Variants in MEGF11 observed in about 807,000 individuals in gnomAD.
MEGF11 encodes the protein multiple epidermal growth factor-like domains protein 11.
In MEGF11, 126 loss-of-function variants were observed where a neutral mutation model predicts 146.6. The ratio of observed to expected loss-of-function variants is 0.86; its 90% confidence interval spans 0.74 to 1.00. The LOEUF is 1.00. MEGF11 is among the 50% of genes least tolerant of loss of function. MEGF11 has a pLI of 0.00. For synonymous variants in MEGF11, 532 were observed against 583.4 expected (o/e 0.91, Z 1.27); for missense variants, 1,509 against 1,521.2 (o/e 0.99, Z 0.13).
chr15:65,931,056 G>A, intron 10 of MEGF11, 113 bp from the exon 11 acceptor site: 1 of 1,262,540 alleles, frequency 7.9e-7, no homozygotes, highest in Non-Finnish European at 1.0e-6. Flanking sequence ...TAATCCCTGG[G>A]ATCTGTGAAT....
Position 66,196,073 on chromosome 15 carries a change from A to G in MEGF11, c.-9+57532T>C, listed in dbSNP as rs765632236. Among the ~76,000 whole-genome samples the G allele has an allele frequency of 6.6e-5, 10 of 152,064 alleles. 1 individual carries two copies. Among genetic ancestry groups the G allele is most frequent in the Non-Finnish European group, 1.2e-4 (8 of 67,992 alleles). ...CCTGAGGCAGGAGGGCACACAGAGCACTCAGAGCACTAAATGAAGGCCAGT... is the reference window on the plus strand; with the variant it reads ...CCTGAGGCAGGAGGGCACACAGAGCGCTCAGAGCACTAAATGAAGGCCAGT... On this transcript the variant is annotated intron_variant, in intron 1 of 25. Transcript: ENST00000395614.
At chr15:66,212,060 G>A (rs2091472255) in intron 1 of MEGF11, among the ~76,000 whole-genome samples, 1 of 151,972 alleles carries the variant, frequency 6.6e-6, no homozygotes, top group Non-Finnish European at 1.5e-5. Context: ...CCAGGCAGGG[G>A]GAGACAGCCC....
intron 1 of MEGF11, among the ~76,000 whole-genome samples, chr15:66,202,864 T>C (rs961143923): frequency 6.6e-6 from 1 of 152,204 alleles, no homozygotes; most frequent in African/African-American, 2.4e-5. Flanking sequence ...AAAGCAGGTA[T>C]GAACCATGTC....
At chr15:66,064,276 G>A (rs2085025229) in intron 5 of MEGF11, among the ~76,000 whole-genome samples, 1 of 152,090 alleles carries the variant, frequency 6.6e-6, no homozygotes, top group Non-Finnish European at 1.5e-5. Context: ...GGCTGAGGCA[G>A]GAGAATCACT....
chr15:66,015,272 T>A (rs2082848358), intron 5 of MEGF11, among the ~76,000 whole-genome samples: 1 of 152,112 alleles, frequency 6.6e-6, no homozygotes. Context: ...AGCTTAGAGG[T>A]TTCAGAGCCC....
chr15:66,217,508 G>A (rs2091615973), intron 1 of MEGF11, among the ~76,000 whole-genome samples: 1 of 152,232 alleles, frequency 6.6e-6, no homozygotes, highest in Admixed American at 6.5e-5. Context: ...AAGACCCTCT[G>A]TATCCCCACT....
At chr15:66,015,945 G>C (rs971642358) in intron 5 of MEGF11, among the ~76,000 whole-genome samples, 3 of 151,302 alleles carry the variant, frequency 2.0e-5, no homozygotes, top group African/African-American at 7.3e-5. Context: ...TTGGTGGGGG[G>C]GCTCTGGTAG....
chr15:66,204,969 C>T (rs1234412860), intron 1 of MEGF11, among the ~76,000 whole-genome samples: 1 of 143,378 alleles, frequency 7.0e-6, no homozygotes, highest in Non-Finnish European at 1.5e-5. Flanking sequence ...TGGTGTGTTC[C>T]TTGGGTTGAA....
intron 1 of MEGF11, among the ~76,000 whole-genome samples, chr15:66,194,719 A>T (rs2090967080): frequency 6.6e-6 from 1 of 152,184 alleles, no homozygotes; most frequent in South Asian, 2.1e-4. Flanking sequence ...GGTACAGTGT[A>T]CACTGCTTGG....
At chr15:66,168,752 A>G (rs900759459) in intron 1 of MEGF11, among the ~76,000 whole-genome samples, 4 of 152,240 alleles carry the variant, frequency 2.6e-5, no homozygotes, top group Non-Finnish European at 4.4e-5. Context: ...AGGTGGGTGG[A>G]TCACCTGAGG....
At chr15:65,939,887 T>C (rs76388473) in intron 10 of MEGF11, among the ~76,000 whole-genome samples, 1 of 152,196 alleles carries the variant, frequency 6.6e-6, no homozygotes, top group South Asian at 2.1e-4. Context: ...GAAATAATCA[T>C]TTAAAAAATT....
At chr15:66,133,261 A>G (rs2140979609) in intron 1 of MEGF11, among the ~76,000 whole-genome samples, 1 of 152,284 alleles carries the variant, frequency 6.6e-6, no homozygotes, top group East Asian at 1.9e-4. Context: ...TGCTCCCCAC[A>G]CCAGCACAAG....
chr15:65,955,793 T>TATACACAC (rs1555455862), intron 10 of MEGF11, among the ~76,000 whole-genome samples: 1 of 6,778 alleles, frequency 1.5e-4, no homozygotes, highest in Non-Finnish European at 3.9e-4. Flanking sequence ...TATATATATA[T>TATACACAC]ACACACACAC....
intron 7 of MEGF11, among the ~76,000 whole-genome samples, chr15:65,976,104 G>GA (rs2081437893): frequency 3.5e-5 from 5 of 142,996 alleles, no homozygotes; most frequent in African/African-American, 1.3e-4. Context: ...GTGCAATGAT[G>GA]TGATCTCAGC....
intron 5 of MEGF11, among the ~76,000 whole-genome samples, chr15:66,032,049 T>G (rs2083541606): frequency 1.3e-5 from 2 of 152,194 alleles, no homozygotes; most frequent in African/African-American, 4.8e-5. Flanking sequence ...GGATCTAGGT[T>G]GCAAGCTCCT....
intron 15 of MEGF11, 183 bp downstream of exon 15, chr15:65,922,155 G>C (rs2079191164): frequency 3.5e-6 from 2 of 570,006 alleles, no homozygotes; most frequent in South Asian, 4.4e-5. Flanking sequence ...GCTGTTAACT[G>C]TGTTAGGGCC....
At chr15:66,206,214 A>G (rs900140327) in intron 1 of MEGF11, among the ~76,000 whole-genome samples, 2 of 152,224 alleles carry the variant, frequency 1.3e-5, no homozygotes, top group Non-Finnish European at 2.9e-5. Context: ...ACAAAACAAC[A>G]GAAATTGCCC....
intron 1 of MEGF11, among the ~76,000 whole-genome samples, chr15:66,197,528 T>C (rs1011825114): frequency 6.6e-6 from 1 of 152,200 alleles, no homozygotes; most frequent in Admixed American, 6.5e-5. Context: ...GTTCAAGCCA[T>C]TCTCCTGCCT....
intron 1 of MEGF11, among the ~76,000 whole-genome samples, chr15:66,145,647 C>T (rs886732057): frequency 1.6e-4 from 25 of 152,134 alleles, no homozygotes; most frequent in African/African-American, 5.8e-4. Context: ...AAAGGCAAGG[C>T]TCAAATAACG....
Sources: allele counts gnomAD v4.1 joint callset (sites outside exome capture counted in the v4.1 genomes callset), GRCh38; gene constraint gnomAD v4.1.1; transcripts MANE v1.5; gene names NCBI Gene and HGNC (gene_info 2026-07-23, HGNC 2026-07-21).